KCNN2: variants seen among roughly 807,000 people sequenced by gnomAD.
KCNN2 encodes the protein potassium calcium-activated channel subfamily N member 2.
In KCNN2, 24 loss-of-function variants were observed where a neutral mutation model predicts 55.5. That is an observed-to-expected ratio of 0.43 (90% CI 0.31 to 0.61). KCNN2 has a LOEUF of 0.61. Ranked by LOEUF, KCNN2 falls within the 20% of genes least tolerant of loss-of-function variation. The pLI, the probability that KCNN2 is intolerant of heterozygous loss-of-function variation, is 0.08. For synonymous variants in KCNN2, 431 were observed against 336.1 expected, an observed-to-expected ratio of 1.28 and a Z score of -3.09; for missense variants, 754 against 853.6, an observed-to-expected ratio of 0.88 and a Z score of 1.45.
At chr5:114,275,301 T>G (rs544181760) in intron 2 of KCNN2, among the ~76,000 whole-genome samples, 1 of 152,304 alleles carries the variant, frequency 6.6e-6, no homozygotes, top group South Asian at 2.1e-4. Flanking sequence ...TTCTCTTTTT[T>G]TGTTGTGTCT....
chr5:114,331,893 T>C (rs1451822492), intron 2 of KCNN2, among the ~76,000 whole-genome samples: 1 of 152,244 alleles, frequency 6.6e-6, no homozygotes, highest in Non-Finnish European at 1.5e-5. Context: ...ACTGCACCTG[T>C]AAGACTTGTG....
chr5:114,428,406 A>G (rs934230914), intron 3 of KCNN2, among the ~76,000 whole-genome samples: 1 of 152,190 alleles, frequency 6.6e-6, no homozygotes, highest in African/African-American at 2.4e-5. Context: ...AATAGTTGAT[A>G]TCTCCTAAAG....
At chr5:114,485,469 C>T (rs564877708) in intron 5 of KCNN2, among the ~76,000 whole-genome samples, 3 of 152,290 alleles carry the variant, frequency 2.0e-5, no homozygotes, top group African/African-American at 7.2e-5. Context: ...CACTCATTTC[C>T]TTACCTTTGA....
chr5:114,160,452 G>A (rs1335966457), intron 1 of KCNN2, among the ~76,000 whole-genome samples: 1 of 152,104 alleles, frequency 6.6e-6, no homozygotes, highest in Non-Finnish European at 1.5e-5. Context: ...AATAGGTGTG[G>A]TCTGGTGCTG....
At chr5:114,093,596 C>G (rs1751193706) in intron 1 of KCNN2, among the ~76,000 whole-genome samples, 1 of 152,154 alleles carries the variant, frequency 6.6e-6, no homozygotes, top group Non-Finnish European at 1.5e-5. Flanking sequence ...ACTGACAGTT[C>G]AGCATGGCAG....
At chr5:114,395,640 G>C (rs1301895500) in intron 2 of KCNN2, among the ~76,000 whole-genome samples, 1 of 152,190 alleles carries the variant, frequency 6.6e-6, no homozygotes, top group Non-Finnish European at 1.5e-5. Context: ...ACTTGACAAT[G>C]AATGAGTGTT....
Position 114,231,852 on chromosome 5 carries a change from G to GTTT in KCNN2, c.-185+10295_-185+10297dup, listed in dbSNP as rs70976321. Among the ~76,000 whole-genome samples, 277 of 147,962 alleles carry GTTT rather than the reference G, an allele frequency of 1.9e-3. 14 individuals are homozygous for GTTT. Among genetic ancestry groups the GTTT allele is most frequent in the South Asian group, 5.7e-3 (27 of 4,730 alleles). On this transcript the variant is annotated intron_variant, in intron 2 of 10. Transcript: ENST00000512097. ...TTTCTGTCTTCCCATAAAATGCCTT[G>GTTT]TTTTTTTTTTCTGTTAAAACCTTCT...
intron 1 of KCNN2, among the ~76,000 whole-genome samples, chr5:114,168,307 T>A (rs767869828): frequency 6.6e-6 from 1 of 152,152 alleles, no homozygotes; most frequent in South Asian, 2.1e-4. Flanking sequence ...ATACCATGTT[T>A]TACTTTAATA....
chr5:114,060,534 C>G (rs1750304061), intron 1 of KCNN2, among the ~76,000 whole-genome samples: 1 of 152,096 alleles, frequency 6.6e-6, no homozygotes, highest in African/African-American at 2.4e-5. Context: ...TGAGACCATC[C>G]CATTCTCACT....
At chr5:114,283,821 C>A (rs754977414) in intron 2 of KCNN2, among the ~76,000 whole-genome samples, 3 of 152,128 alleles carry the variant, frequency 2.0e-5, no homozygotes, top group Non-Finnish European at 4.4e-5. Context: ...TGCCAAAATA[C>A]CTCAGTTTAA....
intron 1 of KCNN2, among the ~76,000 whole-genome samples, chr5:114,114,084 C>A (rs1436019588): frequency 1.3e-5 from 2 of 152,036 alleles, no homozygotes; most frequent in Non-Finnish European, 2.9e-5. Flanking sequence ...TCCAAACTTA[C>A]AATGTATGTT....
intron 2 of KCNN2, among the ~76,000 whole-genome samples, chr5:114,384,389 A>G (rs1439864904): frequency 6.6e-6 from 1 of 152,230 alleles, no homozygotes; most frequent in Non-Finnish European, 1.5e-5. Context: ...TTGTTCAGAA[A>G]GAGCTACAGT....
intron 2 of KCNN2, among the ~76,000 whole-genome samples, chr5:114,377,547 AG>A (rs1358107073): frequency 6.6e-6 from 1 of 152,216 alleles, no homozygotes; most frequent in Non-Finnish European, 1.5e-5. Flanking sequence ...ACTGTCCAGC[AG>A]GGTGTGGGTG....
chr5:114,142,329 C>T (rs1752302424), intron 1 of KCNN2, among the ~76,000 whole-genome samples: 1 of 152,068 alleles, frequency 6.6e-6, no homozygotes, highest in Admixed American at 6.6e-5. Flanking sequence ...GGAAGGGATC[C>T]AGTTTCAGCT....
At chr5:114,258,174 C>T (rs1335240928) in intron 2 of KCNN2, among the ~76,000 whole-genome samples, 9 of 152,130 alleles carry the variant, frequency 5.9e-5, no homozygotes, top group East Asian at 1.9e-4. Flanking sequence ...GAACCATCTT[C>T]GCATCCCTGG....
At chr5:114,071,148 T>G (rs1561462750) in intron 1 of KCNN2, among the ~76,000 whole-genome samples, 1 of 152,192 alleles carries the variant, frequency 6.6e-6, no homozygotes, top group Admixed American at 6.5e-5. Flanking sequence ...GGAAGAATTT[T>G]TATTAAAGGA....
intron 3 of KCNN2, among the ~76,000 whole-genome samples, chr5:114,426,344 C>G (rs1327937389): frequency 1.3e-5 from 2 of 152,154 alleles, no homozygotes; most frequent in African/African-American, 2.4e-5. Flanking sequence ...ATAAATCCTA[C>G]TTGGTCATTT....
rs182316254 is a variant in KCNN2 at position 114,103,312 on chromosome 5, A to G, written c.-271+46812A>G. 1.4e-3 allele frequency among the ~76,000 whole-genome samples: 207 copies of G among 152,296 alleles called. 1 individual carries two copies. Among genetic ancestry groups the G allele is most frequent in the African/African-American group, 4.8e-3 (199 of 41,568 alleles). On this transcript the variant is annotated intron_variant, in intron 1 of 10. Coordinates refer to the KCNN2 transcript ENST00000512097. Reference sequence around the variant, plus strand: ...GACGGCTGAAGTTGCTTATCGGCTTAAGAAGTTTTTGGGCTGAGATGATGG... The same window carrying G: ...GACGGCTGAAGTTGCTTATCGGCTTGAGAAGTTTTTGGGCTGAGATGATGG...
chr5:114,469,670 C>T (rs564585136), intron 4 of KCNN2, among the ~76,000 whole-genome samples: 6 of 152,182 alleles, frequency 3.9e-5, no homozygotes, highest in South Asian at 2.1e-4. Context: ...CTTTATGAAA[C>T]GGAATCGTCC....
Sources: gnomAD v4.1 joint callset for allele counts (sites outside exome capture counted in the v4.1 genomes callset) on GRCh38, gnomAD v4.1.1 for gene constraint, MANE v1.5 for transcripts, NCBI Gene and HGNC (gene_info 2026-07-23, HGNC 2026-07-21) for gene names.